The following DISC1 variants were observed in gnomAD, a reference collection of about 807,000 sequenced individuals.
DISC1 encodes DISC1 scaffold protein.
In DISC1, 57 loss-of-function variants were observed where a neutral mutation model predicts 84.5. The ratio of observed to expected loss-of-function variants is 0.67; its 90% CI spans 0.55 to 0.84. The LOEUF is 0.84. Ranked by LOEUF, DISC1 falls within the 40% of genes least tolerant of loss-of-function variation. The pLI is 0.00. For synonymous variants in DISC1, 411 were observed against 415.2 expected, an observed-to-expected ratio of 0.99 and a Z score of 0.12; for missense variants, 1,000 against 1,057.8, an observed-to-expected ratio of 0.95 and a Z score of 0.76.
chr1:231,754,061 C>G (rs2074889142), intron 4 of DISC1, among the ~76,000 whole-genome samples: 1 of 152,172 alleles, frequency 6.6e-6, no homozygotes, highest in Non-Finnish European at 1.5e-5. Flanking sequence ...CATAACCATT[C>G]AATCAGTTTC....
chr1:231,800,239 C>G lies in DISC1; in HGVS notation c.1792+29C>G, dbSNP rs1414488021. On this transcript the variant is annotated intron_variant, in intron 8 of 12. Coordinates refer to ENST00000439617, the MANE Select transcript of DISC1 (RefSeq NM_018662.3). Reference sequence around the variant, plus strand: ...ACTGGCAGTGTAGGAGACGTTGAAGCTATCCAACTAAAATAATGACAGCTA... The same window carrying G: ...ACTGGCAGTGTAGGAGACGTTGAAGGTATCCAACTAAAATAATGACAGCTA... The G allele has an allele frequency of 2.0e-5, 31 of 1,530,970 alleles. 1 individual carries two copies. The highest frequency in any genetic ancestry group is 2.8e-5 in the Non-Finnish European group (31 of 1,106,164). 94.8% of individuals were successfully genotyped at this position (1,530,970 alleles called of 1,614,324 possible).
intron 9 of DISC1, among the ~76,000 whole-genome samples, chr1:231,917,651 G>A (rs1052101975): frequency 6.6e-6 from 1 of 152,166 alleles, no homozygotes; most frequent in Non-Finnish European, 1.5e-5. Flanking sequence ...CCAGCACACT[G>A]CATGCTAGAG....
At chr1:231,966,190 C>G (rs547448072) in intron 10 of DISC1, among the ~76,000 whole-genome samples, 42 of 152,076 alleles carry the variant, frequency 2.8e-4, no homozygotes, top group Non-Finnish European at 5.4e-4. Flanking sequence ...GTCAAGGCAA[C>G]CTGAGAAGAT....
intron 9 of DISC1, among the ~76,000 whole-genome samples, chr1:231,890,353 G>A (rs1413922888): frequency 1.3e-5 from 2 of 152,084 alleles, no homozygotes; most frequent in Non-Finnish European, 2.9e-5. Flanking sequence ...GTAAAATATG[G>A]AATTGTCTCT....
intron 8 of DISC1, among the ~76,000 whole-genome samples, chr1:231,803,167 T>G (rs189198547): frequency 1.1e-3 from 167 of 152,242 alleles, no homozygotes; most frequent in African/African-American, 3.9e-3. Context: ...GGTGCATACA[T>G]ATGGTCTGGC....
chr1:232,016,142 G>A (rs1014701736), intron 11 of DISC1, among the ~76,000 whole-genome samples: 28 of 152,186 alleles, frequency 1.8e-4, no homozygotes, highest in African/African-American at 6.5e-4. Flanking sequence ...ATTAAACGCT[G>A]ACATTTAAAA....
rs1384962777 is a variant in DISC1 at position 232,031,237 on chromosome 1, GA to G, written c.2425+4686del. ...AGGAAGGGAGAAAGAGAGAGAGAAA[GA>G]GAGGAAGGAAGGAAGGAGAAAGAAA... On this transcript the variant is annotated intron_variant, in intron 12 of 12. Coordinates refer to ENST00000439617, the MANE Select transcript of DISC1 (RefSeq NM_018662.3). The surrounding 1 kb of genome is among the most constrained non-coding windows in gnomAD (Gnocchi z 4.6). Among the ~76,000 whole-genome samples, 1 of 148,438 alleles carries G rather than the reference GA, an allele frequency of 6.7e-6. No individual in the cohort carries two copies. The highest frequency in any genetic ancestry group is 2.5e-5 in the African/African-American group (1 of 40,130).
In DISC1 at chr1:231,855,029, T is replaced by C. The variant is rs1480007512; in HGVS notation, c.1981+36512T>C. ...CTGTGCCTGGCCCCTACAATAATTC[T>C]TTAATGTGAGGAAATATCAAATGAA... On this transcript the variant is annotated intron_variant, in intron 9 of 12. Transcript: ENST00000439617. 2.9e-6 allele frequency: 3 copies of C among 1,026,688 alleles called. No homozygotes were observed. The Admixed American group carries it at 1.5e-4, about 52-fold the overall frequency. The allele number at this position is 1,026,688 out of a possible 1,614,324, so 63.6% of individuals were successfully genotyped here.
chr1:232,026,762 C>CTTTTTTTTTTTTTTTTTTTTTT (rs545455868), intron 12 of DISC1, among the ~76,000 whole-genome samples: 1 of 110,876 alleles, frequency 9.0e-6, no homozygotes, highest in Non-Finnish European at 1.8e-5. Flanking sequence ...TTTCTTTTTT[C>CTTTTTTTTTTTTTTTTTTTTTT]TTTTTTTTTT....
intron 6 of DISC1, among the ~76,000 whole-genome samples, chr1:231,778,519 C>T (rs2077135013): frequency 6.6e-6 from 1 of 152,160 alleles, no homozygotes; most frequent in Non-Finnish European, 1.5e-5. Flanking sequence ...AGGGCTGGTC[C>T]CTAGAGCATG....
chr1:232,036,048 A>C (rs1670487981), intron 12 of DISC1, among the ~76,000 whole-genome samples: 1 of 152,146 alleles, frequency 6.6e-6, no homozygotes, highest in Non-Finnish European at 1.5e-5. Flanking sequence ...CCTTTGATGG[A>C]CTCTATCAAG....
intron 1 of DISC1, among the ~76,000 whole-genome samples, chr1:231,662,941 T>A (rs983304987): frequency 2.0e-5 from 3 of 152,066 alleles, no homozygotes; most frequent in Non-Finnish European, 4.4e-5. Context: ...ATGGCAAAAG[T>A]AAGTCCTTCC....
intron 6 of DISC1, among the ~76,000 whole-genome samples, chr1:231,790,896 C>T (rs909278723): frequency 6.6e-6 from 1 of 152,146 alleles, no homozygotes; most frequent in African/African-American, 2.4e-5. Flanking sequence ...AATTTATTAC[C>T]TATTGAAAAG....
At position 232,031,500 on chromosome 1, in the gene DISC1, GGAAAGGAAAGGAAA is replaced by G. The variant is rs1443499360; in HGVS notation, c.2425+4954_2425+4967del. On this transcript the variant is annotated intron_variant, in intron 12 of 12. Transcript: ENST00000439617. This position sits in a 1 kb window ranked among gnomAD's most constrained non-coding sequence, Gnocchi z 4.6. ...AGCAAAAGGGAAGGAAAGAAAGAAA[GGAAAGGAAAGGAAA>G]GAAAGAAAAGGAAAGGAAAGAAAGA... is the stretch of plus-strand genomic sequence containing the variant. 4.0e-5 allele frequency among the ~76,000 whole-genome samples: 5 copies of G among 123,796 alleles called. No individual in the cohort carries two copies. Among genetic ancestry groups the G allele is most frequent in the Admixed American group, 2.3e-4 (3 of 12,846 alleles). 81.2% of individuals were successfully genotyped at this position (123,796 alleles called of 152,430 possible). A position where few individuals can be genotyped will look rare whatever the true frequency, so the allele number is the denominator to read the frequency against.
At chr1:231,965,617 T>A (rs1265899753) in intron 10 of DISC1, among the ~76,000 whole-genome samples, 1 of 152,264 alleles carries the variant, frequency 6.6e-6, no homozygotes, top group East Asian at 1.9e-4. Flanking sequence ...TGTTATGTCC[T>A]CCTCCTCTCT....
intron 9 of DISC1, among the ~76,000 whole-genome samples, chr1:231,832,940 T>C (rs60066321): frequency 0.043 from 3,673 of 85,508 alleles, 115 homozygotes; most frequent in Middle Eastern, 0.078. Context: ...AAGAGTGCTG[T>C]GGGATGGGAT....
chr1:231,961,003 G>A (rs548448608), intron 10 of DISC1, among the ~76,000 whole-genome samples: 1 of 152,350 alleles, frequency 6.6e-6, no homozygotes, highest in East Asian at 1.9e-4. Context: ...CAGAAGAAGA[G>A]ATGCATAGGG....
chr1:231,856,912 T>G (rs1339001538), intron 9 of DISC1, among the ~76,000 whole-genome samples: 1 of 152,080 alleles, frequency 6.6e-6, no homozygotes, highest in Non-Finnish European at 1.5e-5. Context: ...TAGGGGAACT[T>G]AGGCAGAGTG....
intron 9 of DISC1, among the ~76,000 whole-genome samples, chr1:231,840,738 C>T (rs943454931): frequency 4.0e-5 from 6 of 151,086 alleles, no homozygotes; most frequent in East Asian, 1.9e-4. Context: ...GACGGAGTCT[C>T]GCTCTGTCAC....
Sources: gnomAD v4.1 joint callset for allele counts (sites outside exome capture counted in the v4.1 genomes callset) on GRCh38, gnomAD v4.1.1 for gene constraint, Gnocchi (gnomAD v3.1) non-coding constraint, MANE v1.5 for transcripts, NCBI Gene and HGNC (gene_info 2026-07-23, HGNC 2026-07-21) for gene names.